The following MRTFB variants were observed in gnomAD, a reference collection of about 807,000 sequenced individuals.
MRTFB encodes the protein myocardin related transcription factor B, also known as myocardin-related transcription factor B.
In MRTFB, 29 loss-of-function variants were observed where a neutral mutation model predicts 104.2. The observed-to-expected ratio is 0.28, with a 90% CI of 0.21 to 0.38. The LOEUF (loss-of-function observed/expected upper bound fraction) is 0.38. MRTFB is among the 10% of genes least tolerant of loss of function. MRTFB has a pLI of 1.00. For synonymous variants in MRTFB, 535 were observed against 519.5 expected (o/e 1.03, Z -0.41); for missense variants, 1,270 against 1,341.6 (o/e 0.95, Z 0.83).
chr16:14,223,934 G>C (rs1230584806), intron 8 of MRTFB, among the ~76,000 whole-genome samples: 1 of 152,152 alleles, frequency 6.6e-6, no homozygotes, highest in East Asian at 1.9e-4. Context: ...CCACTATAAA[G>C]AACTACCTGA....
At chr16:14,056,826 A>G in the MRTFB span, among the ~76,000 whole-genome samples, 1 of 152,212 alleles carries the variant, frequency 6.6e-6, no homozygotes, top group Non-Finnish European at 1.5e-5. Context: ...ATCTCTACAT[A>G]TTAAGAAACC....
chr16:14,219,548 A>T (rs2041591771), intron 8 of MRTFB, among the ~76,000 whole-genome samples: 1 of 152,230 alleles, frequency 6.6e-6, no homozygotes, highest in South Asian at 2.1e-4. Flanking sequence ...AATGTTCTTG[A>T]TAAGCCTGGC....
the MRTFB span, among the ~76,000 whole-genome samples, chr16:14,030,252 C>T: frequency 6.6e-6 from 1 of 152,158 alleles, no homozygotes; most frequent in Admixed American, 6.5e-5. Flanking sequence ...ATGCCCACAG[C>T]GGGTTAGCAA....
chr16:14,162,133 T>C (rs992732465), intron 3 of MRTFB, among the ~76,000 whole-genome samples: 3 of 118,840 alleles, frequency 2.5e-5, no homozygotes, highest in South Asian at 2.7e-4. Context: ...CTGAGCAACA[T>C]AGGGAGACCC....
At chr16:13,995,511 C>T in the MRTFB span, among the ~76,000 whole-genome samples, 286 of 152,274 alleles carry the variant, frequency 1.9e-3, no homozygotes, top group African/African-American at 6.6e-3. Context: ...AAGGGAGTGA[C>T]CTAAATGCAG....
intron 3 of MRTFB, among the ~76,000 whole-genome samples, chr16:14,183,068 T>C (rs578041048): frequency 2.1e-4 from 32 of 152,168 alleles, no homozygotes; most frequent in Non-Finnish European, 4.1e-4. Flanking sequence ...AATAATTATA[T>C]ACAAAAAGAA....
the MRTFB span, among the ~76,000 whole-genome samples, chr16:14,034,408 GT>G: frequency 6.6e-6 from 1 of 152,180 alleles, no homozygotes; most frequent in Non-Finnish European, 1.5e-5. Context: ...GAGGCCAGGA[GT>G]TCAAGACCAG....
intron 3 of MRTFB, among the ~76,000 whole-genome samples, chr16:14,173,006 C>T (rs529827709): frequency 3.3e-5 from 5 of 152,240 alleles, no homozygotes; most frequent in African/African-American, 9.6e-5. Flanking sequence ...AAACTTTTCC[C>T]TATGTCCAGG....
the MRTFB span, among the ~76,000 whole-genome samples, chr16:14,014,836 T>G: frequency 2.0e-5 from 3 of 152,246 alleles, no homozygotes; most frequent in South Asian, 6.2e-4. Context: ...GCCACTGCAC[T>G]CCAGCCTGGC....
At chr16:14,161,158 A>T (rs913688152) in intron 3 of MRTFB, among the ~76,000 whole-genome samples, 2 of 137,442 alleles carry the variant, frequency 1.5e-5, no homozygotes, top group African/African-American at 5.8e-5. Context: ...GCTAGGATAC[A>T]TTTTTTTAAA....
At chr16:14,010,151 A>G in the MRTFB span, among the ~76,000 whole-genome samples, 5 of 152,166 alleles carry the variant, frequency 3.3e-5, no homozygotes, top group Non-Finnish European at 5.9e-5. Flanking sequence ...GGATGCTGCC[A>G]GGGAAGGAAG....
rs182855802 is a variant in MRTFB, at chr16:14,226,678, T to A, written c.694-7468T>A. 2.1e-3 allele frequency among the ~76,000 whole-genome samples: 321 copies of A among 152,168 alleles called. 2 individuals carry two copies. The highest frequency in any genetic ancestry group is 1.9e-3 in the Non-Finnish European group (128 of 67,996). The stretch of plus-strand genomic sequence containing the variant: ...AAAATAATTTGAGGAAAGAAATCTT[T>A]CCTCAAAACGTTTTGGCCAGACATG... On this transcript the variant is annotated intron_variant, in intron 8 of 16. Coordinates refer to ENST00000571589, the MANE Select transcript of MRTFB (RefSeq NM_001308142.2).
At chr16:14,198,294 G>A (rs1420052527) in intron 3 of MRTFB, among the ~76,000 whole-genome samples, 5 of 152,316 alleles carry the variant, frequency 3.3e-5, no homozygotes, top group East Asian at 3.9e-4. Flanking sequence ...GGACATGTGT[G>A]TACATGTATT....
chr16:14,017,282 T>C, the MRTFB span, among the ~76,000 whole-genome samples: 1 of 151,806 alleles, frequency 6.6e-6, no homozygotes, highest in South Asian at 2.1e-4. Flanking sequence ...GGTCTCGATC[T>C]CCTGACCTTG....
Position 14,247,277 on chromosome 16 carries a change from G to T in MRTFB, c.2017G>T (p.Val673Phe), listed in dbSNP as rs2043059400. 4.3e-6 allele frequency: 7 copies of T among 1,614,190 alleles called. No homozygotes were observed. The highest frequency in any genetic ancestry group is 5.9e-6 in the Non-Finnish European group (7 of 1,180,036). The change falls in exon 12 of 17, where the codon GTT (valine) becomes TTT (phenylalanine). Residue 673 changes from valine to phenylalanine, a missense_variant. Transcript: ENST00000571589. Reference protein sequence around the residue: ...QPVSTGGQTLVAKKAVVIKQE... With the variant: ...QPVSTGGQTLFAKKAVVIKQE... Reference sequence around the variant, plus strand: ...CGTCTCTACAGGTGGCCAGACCCTTGTTGCCAAAAAGGCTGTAGTTATCAA... The same window carrying T: ...CGTCTCTACAGGTGGCCAGACCCTTTTTGCCAAAAAGGCTGTAGTTATCAA...
chr16:14,048,451 C>T, the MRTFB span, among the ~76,000 whole-genome samples: 2 of 152,110 alleles, frequency 1.3e-5, no homozygotes, highest in African/African-American at 4.8e-5. Context: ...GTGCTAAGAC[C>T]CTCACTTGGA....
chr16:14,136,096 T>C (rs1037633389), intron 2 of MRTFB, among the ~76,000 whole-genome samples: 3 of 151,834 alleles, frequency 2.0e-5, no homozygotes, highest in Non-Finnish European at 4.4e-5. Flanking sequence ...CATGGTGAGA[T>C]CCCTGTCTCT....
chr16:14,186,303 T>C (rs1290683829), intron 3 of MRTFB, among the ~76,000 whole-genome samples: 1 of 152,254 alleles, frequency 6.6e-6, no homozygotes, highest in Admixed American at 6.5e-5. Context: ...TTATTCAGTG[T>C]GTGCCTCTGC....
chr16:14,132,482 A>C (rs899871852), intron 2 of MRTFB, among the ~76,000 whole-genome samples: 2 of 152,248 alleles, frequency 1.3e-5, no homozygotes, highest in African/African-American at 2.4e-5. Flanking sequence ...TTTAACTAAT[A>C]GTGTTAGAAA....
Sources: gnomAD v4.1 joint callset for allele counts (sites outside exome capture counted in the v4.1 genomes callset) on GRCh38, gnomAD v4.1.1 for gene constraint, MANE v1.5 for transcripts, NCBI Gene and HGNC (gene_info 2026-07-23, HGNC 2026-07-21) for gene names.